DOCK9: variants seen among roughly 807,000 people sequenced by gnomAD.
DOCK9 encodes the protein dedicator of cytokinesis protein 9.
In DOCK9, 89 loss-of-function variants were observed where a neutral mutation model predicts 263.3. The observed-to-expected ratio is 0.34, with a 90% CI of 0.28 to 0.40. DOCK9 has a LOEUF of 0.40. DOCK9 is among the 10% of genes least tolerant of loss of function. DOCK9 has a pLI of 1.00. For missense variants in DOCK9, 2,140 were observed against 2,603.4 expected, an observed-to-expected ratio of 0.82 and a Z score of 3.87; for synonymous variants, 976 against 973.1, an observed-to-expected ratio of 1.00 and a Z score of -0.06.
At chr13:98,857,744 A>T (rs2093742055) in intron 33 of DOCK9, 1 of 152,226 alleles carries the variant, frequency 6.6e-6, no homozygotes, top group Non-Finnish European at 1.5e-5. Flanking sequence ...AATTTGAAAA[A>T]AGAAGCAAAG....
chr13:99,001,690 C>G (rs146307194), intron 1 of DOCK9, among the ~76,000 whole-genome samples: 61 of 152,344 alleles, frequency 4.0e-4, no homozygotes, highest in African/African-American at 1.3e-3. Context: ...CCAAGGAAGA[C>G]ACAGCATGGA....
chr13:98,863,195 C>T (rs570688221), intron 31 of DOCK9, 63 bp from the exon 32 acceptor site: 3 of 1,511,144 alleles, frequency 2.0e-6, no homozygotes, highest in Non-Finnish European at 2.7e-6. Flanking sequence ...TAAGTTGGTG[C>T]TGACCATCTC....
At chr13:98,932,389 C>T (rs778716806) in intron 2 of DOCK9, among the ~76,000 whole-genome samples, 52 of 141,504 alleles carry the variant, frequency 3.7e-4, no homozygotes, top group Non-Finnish European at 5.9e-4. Context: ...AGCAAGACTC[C>T]ATCTCAAAAA....
At chr13:98,909,081 C>A (rs1426642936) in intron 9 of DOCK9, among the ~76,000 whole-genome samples, 1 of 152,120 alleles carries the variant, frequency 6.6e-6, no homozygotes, top group Non-Finnish European at 1.5e-5. Flanking sequence ...CACTTTCCTG[C>A]CCAAAGCCCA....
chr13:99,072,151 T>C (rs966399586), intron 1 of DOCK9, among the ~76,000 whole-genome samples: 3 of 152,220 alleles, frequency 2.0e-5, no homozygotes, highest in Non-Finnish European at 2.9e-5. Context: ...AGCAGAAATG[T>C]TTCAGACTTG....
chr13:98,853,302 A>G, intron 35 of DOCK9, 106 bp downstream of exon 35: 1 of 706,636 alleles, frequency 1.4e-6, no homozygotes, highest in South Asian at 2.3e-5. Context: ...ATTTTAAACA[A>G]GAAAATCCTT....
intron 1 of DOCK9, among the ~76,000 whole-genome samples, chr13:98,968,209 C>CT (rs1056080498): frequency 3.3e-5 from 5 of 151,926 alleles, no homozygotes; most frequent in Non-Finnish European, 5.9e-5. Context: ...TATAAAATAC[C>CT]TTTTTTTTAA....
At chr13:98,803,907 C>A (rs551309288) in intron 49 of DOCK9, among the ~76,000 whole-genome samples, 1 of 150,894 alleles carries the variant, frequency 6.6e-6, no homozygotes, top group East Asian at 1.9e-4. Flanking sequence ...CCCTGCAATA[C>A]GCTGTCCTGG....
intron 39 of DOCK9, chr13:98,832,226 A>T (rs3818592): frequency 0.013 from 2,210 of 163,930 alleles, 80 homozygotes; most frequent in Admixed American, 0.079. Flanking sequence ...TGATCTCCCC[A>T]GGCCTCTAAG....
intron 2 of DOCK9, among the ~76,000 whole-genome samples, chr13:98,931,683 T>C (rs1003754585): frequency 2.6e-5 from 4 of 152,042 alleles, no homozygotes; most frequent in Admixed American, 2.0e-4. Context: ...CTGCAACCTC[T>C]GCCTCCCAAG....
In DOCK9 at chr13:98,867,485, G is replaced by T; in HGVS notation, c.3226C>A (p.His1076Asn). The part of the protein sequence containing the change: ...EFLRVVCNHE[H>N]YIPLNLPMPF... The stretch of plus-strand genomic sequence containing the variant: ...ATTGGTAAGTTCAACGGAATATAAT[G>T]TTCATGGTTGCACACTACACGGAGA... The change falls in exon 30 of 53, where the codon CAT (histidine) becomes AAT (asparagine). Residue 1076 changes from histidine (H) to asparagine (N), a missense_variant. His to Asn is a moderately conservative substitution (Grantham distance 68). Coordinates refer to ENST00000682017, the MANE Select transcript of DOCK9 (RefSeq NM_001366683.2). The T allele has an allele frequency of 4.3e-6, 7 of 1,612,922 alleles. No homozygotes were observed. The highest frequency in any genetic ancestry group is 5.9e-6 in the Non-Finnish European group (7 of 1,179,438).
upstream of DOCK9, among the ~76,000 whole-genome samples, chr13:98,982,025 A>G (rs1877342098): frequency 6.6e-6 from 1 of 152,182 alleles, no homozygotes; most frequent in South Asian, 2.1e-4. Context: ...TTTAACCCAC[A>G]ACAAACATAT....
chr13:98,974,610 C>T (rs764266018), intron 1 of DOCK9, among the ~76,000 whole-genome samples: 1 of 151,700 alleles, frequency 6.6e-6, no homozygotes, highest in African/African-American at 2.4e-5. Flanking sequence ...ATTAGTCGGG[C>T]ATGGTGGCAT....
intron 37 of DOCK9, among the ~76,000 whole-genome samples, chr13:98,848,066 A>T (rs2093443016): frequency 6.6e-6 from 1 of 152,248 alleles, no homozygotes; most frequent in African/African-American, 2.4e-5. Flanking sequence ...AGTCAAGAGT[A>T]GGAAGAGAAA....
chr13:98,899,510 G>T (rs574500658), intron 13 of DOCK9, among the ~76,000 whole-genome samples: 1 of 152,312 alleles, frequency 6.6e-6, no homozygotes, highest in East Asian at 1.9e-4. Context: ...CTAATTGGAA[G>T]AGATGTCAGG....
chr13:98,990,372 G>A (rs371705474), intron 1 of DOCK9, among the ~76,000 whole-genome samples: 2 of 152,176 alleles, frequency 1.3e-5, no homozygotes, highest in Non-Finnish European at 2.9e-5. Context: ...TCATGAGCTT[G>A]TCTATTCCCT....
At chr13:98,840,753 A>G (rs2093180762) in intron 38 of DOCK9, among the ~76,000 whole-genome samples, 1 of 152,194 alleles carries the variant, frequency 6.6e-6, no homozygotes, top group African/African-American at 2.4e-5. Flanking sequence ...ACGTATTCCT[A>G]TAGGGGGCAC....
At chr13:98,899,998 AG>A (rs2048031768) in intron 13 of DOCK9, among the ~76,000 whole-genome samples, 1 of 152,240 alleles carries the variant, frequency 6.6e-6, no homozygotes, top group South Asian at 2.1e-4. Flanking sequence ...GAAAACATGA[AG>A]AAACAACTTT....
intron 43 of DOCK9, among the ~76,000 whole-genome samples, chr13:98,827,566 C>A (rs963495487): frequency 6.6e-6 from 1 of 152,238 alleles, no homozygotes; most frequent in Non-Finnish European, 1.5e-5. Flanking sequence ...TAGACCCTCA[C>A]CCCTAGCTAC....
Sources: gnomAD v4.1 joint callset for allele counts (sites outside exome capture counted in the v4.1 genomes callset) on GRCh38, gnomAD v4.1.1 for gene constraint, MANE v1.5 for transcripts, NCBI Gene and HGNC (gene_info 2026-07-23, HGNC 2026-07-21) for gene names.